The following TEX2 variants were observed in gnomAD, a reference collection of about 807,000 sequenced individuals.
TEX2 encodes the protein testis expressed 2, also known as testis-expressed protein 2.
A neutral mutation model predicts 106.9 loss-of-function variants in TEX2; 53 were observed. The ratio of observed to expected loss-of-function variants is 0.50; its 90% CI spans 0.40 to 0.62. The LOEUF (loss-of-function observed/expected upper bound fraction) is 0.62, where lower values mean the gene tolerates loss of function less well. Among genes scored for constraint, TEX2 ranks in the 20% least tolerant of loss-of-function variants. TEX2 has a pLI of 0.00. For missense variants in TEX2, 1,207 were observed against 1,379.0 expected (o/e 0.88, Z 1.98); for synonymous variants, 523 against 534.8 (o/e 0.98, Z 0.30).
intron 8 of TEX2, among the ~76,000 whole-genome samples, chr17:64,158,200 C>T (rs1270877828): frequency 6.6e-6 from 1 of 152,260 alleles, no homozygotes; most frequent in Non-Finnish European, 1.5e-5. Context: ...AGGTTAAAAT[C>T]TCAGTCTAAC....
At chr17:64,227,099 G>A (rs751024813) in intron 1 of TEX2, among the ~76,000 whole-genome samples, 7 of 152,006 alleles carry the variant, frequency 4.6e-5, no homozygotes, top group South Asian at 2.1e-4. Context: ...GGCGGTGCGC[G>A]CCTGTAGTCC....
intron 1 of TEX2, among the ~76,000 whole-genome samples, chr17:64,223,456 A>G (rs2033417666): frequency 6.7e-6 from 1 of 149,084 alleles, no homozygotes; most frequent in African/African-American, 2.5e-5. Context: ...TTCTAGAATC[A>G]GAGCCATAAA....
intron 1 of TEX2, among the ~76,000 whole-genome samples, chr17:64,222,944 C>T (rs1245605996): frequency 2.0e-5 from 3 of 152,124 alleles, no homozygotes; most frequent in Non-Finnish European, 4.4e-5. Flanking sequence ...TGGGTCCTTC[C>T]TAAGGTCTTT....
At position 64,195,988 on chromosome 17, in the gene TEX2, TTAAAAATACATGTCTTTG is replaced by T. The variant is rs760042596; in HGVS notation, c.1645-911_1645-894del. Among the ~76,000 whole-genome samples, 1 of 152,228 alleles carries T rather than the reference TTAAAAATACATGTCTTTG, an allele frequency of 6.6e-6. No individual in the cohort carries two copies. The highest frequency in any genetic ancestry group is 1.5e-5 in the Non-Finnish European group (1 of 68,044). On this transcript the variant is annotated intron_variant, in intron 2 of 11. Transcript: ENST00000584379. This position sits in a 1 kb window ranked among gnomAD's most constrained non-coding sequence, Gnocchi z 4.1. ...ATATCTTCCTACTCTCCCCAACTTT[TTAAAAATACATGTCTTTG>T]TAATGAGCAGAGAGATGCTAAAGCT... is the stretch of plus-strand genomic sequence containing the variant.
At chr17:64,228,929 TACACACAC>T (rs57741930) in intron 1 of TEX2, among the ~76,000 whole-genome samples, 11,437 of 146,630 alleles carry the variant, frequency 0.078, 599 homozygotes, top group East Asian at 0.23. Flanking sequence ...GACTGACAGG[TACACACAC>T]ACACACACAC....
At chr17:64,202,709 G>A (rs782810405) in intron 2 of TEX2, among the ~76,000 whole-genome samples, 1 of 152,182 alleles carries the variant, frequency 6.6e-6, no homozygotes, top group African/African-American at 2.4e-5. Flanking sequence ...ATGAGACATG[G>A]GAATGGGTAT....
intron 1 of TEX2, among the ~76,000 whole-genome samples, chr17:64,247,707 G>T (rs1208192048): frequency 6.6e-6 from 1 of 152,218 alleles, no homozygotes; most frequent in Non-Finnish European, 1.5e-5. Context: ...GAGCTTTTTA[G>T]ATGAGAGGTA....
chr17:64,183,609 A>G (rs9905640), intron 5 of TEX2, among the ~76,000 whole-genome samples: 109,670 of 151,930 alleles, frequency 0.72, 39,675 homozygotes, highest in East Asian at 0.82. Context: ...TGTATTTTTA[A>G]TAGAGATGGG....
chr17:64,239,360 A>G (rs1555635489), intron 1 of TEX2: 1 of 152,192 alleles, frequency 6.6e-6, no homozygotes, highest in African/African-American at 2.4e-5. Flanking sequence ...ATCTTCTTAA[A>G]AGAGTTTTAC....
At chr17:64,256,464 T>C (rs1213956308) in intron 1 of TEX2, among the ~76,000 whole-genome samples, 3 of 152,112 alleles carry the variant, frequency 2.0e-5, no homozygotes, top group Admixed American at 6.5e-5. Context: ...GCCCTTCCCA[T>C]ATTCCCCTCT....
chr17:64,161,994 T>G (rs1002564927), intron 7 of TEX2, among the ~76,000 whole-genome samples: 2 of 152,158 alleles, frequency 1.3e-5, no homozygotes, highest in Non-Finnish European at 2.9e-5. Flanking sequence ...ATAAAACCAC[T>G]GCTTAACCCC....
intron 1 of TEX2, among the ~76,000 whole-genome samples, chr17:64,249,321 A>G (rs2034048265): frequency 6.6e-6 from 1 of 152,064 alleles, no homozygotes; most frequent in Non-Finnish European, 1.5e-5. Context: ...AGGCTAGGAC[A>G]CTCCACTGGA....
chr17:64,189,528 A>G (rs754613578), intron 4 of TEX2, among the ~76,000 whole-genome samples: 13 of 152,158 alleles, frequency 8.5e-5, no homozygotes, highest in Non-Finnish European at 1.9e-4. Context: ...GGAAATGAGG[A>G]TGGAGAGATT....
Position 64,213,656 on chromosome 17 carries a change from AG to A in TEX2, c.561del (p.Phe188SerfsTer2), listed in dbSNP as rs2033093052. ...ASTSTLSSAK[P>X]FMSLVKSLST... ...GACAGGGACTTCACAAGGCTCATGA[AG>A]GGTTTTGCACTGGAAAGGGTGGAGG... On this transcript the variant is annotated frameshift_variant, in exon 2 of 12. Transcript: ENST00000584379. LOFTEE classifies it high-confidence loss of function. This position sits in a 1 kb window ranked among gnomAD's most constrained non-coding sequence, Gnocchi z 4.4. 3.7e-6 allele frequency: 6 copies of A among 1,614,130 alleles called. No individual in the cohort carries two copies. The highest frequency in any genetic ancestry group is 2.2e-5 in the East Asian group (1 of 44,868).
At chr17:64,254,237 C>G in intron 1 of TEX2, among the ~76,000 whole-genome samples, 1 of 152,334 alleles carries the variant, frequency 6.6e-6, no homozygotes, top group South Asian at 2.1e-4. Flanking sequence ...GAGCCTTGCT[C>G]TTAAAGGAAG....
intron 1 of TEX2, among the ~76,000 whole-genome samples, chr17:64,253,053 C>T (rs2034120727): frequency 6.6e-6 from 1 of 152,138 alleles, no homozygotes; most frequent in Non-Finnish European, 1.5e-5. Flanking sequence ...TCACACAGCA[C>T]CTAAACATGT....
Position 64,188,359 on chromosome 17 carries a change from G to A in TEX2, c.2233C>T (p.Arg745Cys), listed in dbSNP as rs539307138. The change falls in exon 5 of 12, where the codon CGC becomes TGC. Residue 745 changes from arginine to cysteine, a missense_variant. Physicochemically the swap from Arg to Cys is radical, Grantham distance 180. Transcript: ENST00000584379. The part of the protein sequence containing the change: ...NSPSGHLTHS[R>C]SSSKGSVEEI... Reference sequence around the variant, plus strand: ...TCCACACTGCCTTTGCTGCTGCTGCGGCTGTGGGTCAGGTGCCCGGACGGA... The same window carrying A: ...TCCACACTGCCTTTGCTGCTGCTGCAGCTGTGGGTCAGGTGCCCGGACGGA... 41 of 1,614,176 alleles carry A rather than the reference G, an allele frequency of 2.5e-5. No homozygotes were observed. In the Admixed American group the frequency reaches 4.0e-4, roughly 16 times the overall value.
chr17:64,237,594 T>G (rs1254364670), intron 1 of TEX2, among the ~76,000 whole-genome samples: 1 of 151,636 alleles, frequency 6.6e-6, no homozygotes, highest in East Asian at 1.9e-4. Flanking sequence ...TGGAGATGGG[T>G]GAAGGGATTT....
intron 1 of TEX2, among the ~76,000 whole-genome samples, chr17:64,257,428 C>G (rs117680280): frequency 6.6e-6 from 1 of 152,364 alleles, no homozygotes; most frequent in East Asian, 1.9e-4. Context: ...CCCCACTTAT[C>G]TGCAGTTTCC....
Sources: gnomAD v4.1 joint callset for allele counts (sites outside exome capture counted in the v4.1 genomes callset) on GRCh38, gnomAD v4.1.1 for gene constraint, Gnocchi (gnomAD v3.1) non-coding constraint, MANE v1.5 for transcripts, NCBI Gene and HGNC (gene_info 2026-07-23, HGNC 2026-07-21) for gene names.